The following ASIC4 variants were observed in gnomAD, a reference collection of about 807,000 sequenced individuals.
ASIC4 encodes the protein acid-sensing ion channel 4.
ASIC4 carries 28 observed loss-of-function variants against 53.4 expected under a neutral mutation model. The observed-to-expected ratio is 0.52, with a 90% CI of 0.39 to 0.72. The LOEUF is 0.72. Ranked by LOEUF, ASIC4 falls within the 30% of genes least tolerant of loss-of-function variation. The probability of loss-of-function intolerance (pLI) is 0.00; values close to 1 mark genes in which losing one functional copy is unlikely to be tolerated. For synonymous variants in ASIC4, 289 were observed against 301.4 expected, an observed-to-expected ratio of 0.96 and a Z score of 0.43; for missense variants, 649 against 729.7, an observed-to-expected ratio of 0.89 and a Z score of 1.27.
chr2:219,507,465 C>T, the ASIC4 span, among the ~76,000 whole-genome samples: 3 of 152,178 alleles, frequency 2.0e-5, no homozygotes, highest in Admixed American at 6.5e-5. Context: ...TGCCTCTGCC[C>T]GAGGCCTCAT....
At chr2:219,525,589 T>C (rs1415307534) in intron 1 of ASIC4, among the ~76,000 whole-genome samples, 1 of 152,188 alleles carries the variant, frequency 6.6e-6, no homozygotes, top group Non-Finnish European at 1.5e-5. Flanking sequence ...CTGAGTGACC[T>C]CGAAGTTCTG....
At chr2:219,515,397 C>T in intron 1 of ASIC4, 91 bp downstream of exon 1, 1 of 1,454,612 alleles carries the variant, frequency 6.9e-7, no homozygotes, top group South Asian at 1.3e-5. Context: ...GGGGCATCCT[C>T]AACAGGGCTT....
intron 1 of ASIC4, among the ~76,000 whole-genome samples, chr2:219,524,821 C>A (rs1336598222): frequency 6.6e-6 from 1 of 152,212 alleles, no homozygotes; most frequent in African/African-American, 2.4e-5. Flanking sequence ...GCAGAGAGAG[C>A]CTGCAAGGTG....
chr2:219,507,625 C>A, the ASIC4 span, among the ~76,000 whole-genome samples: 1 of 152,200 alleles, frequency 6.6e-6, no homozygotes, highest in Admixed American at 6.5e-5. Context: ...CAGCCCTCCT[C>A]TCCCAGCCAT....
intron 1 of ASIC4, among the ~76,000 whole-genome samples, chr2:219,527,595 C>T (rs568384129): frequency 6.6e-6 from 1 of 152,258 alleles, no homozygotes; most frequent in East Asian, 1.9e-4. Flanking sequence ...CTATAAGCAC[C>T]TACTGTGCTT....
At chr2:219,535,362 CTGTG>C (rs1433773661) in intron 6 of ASIC4, 38 bp downstream of exon 6, 2 of 1,526,400 alleles carry the variant, frequency 1.3e-6, no homozygotes. Context: ...CTGTGTGACT[CTGTG>C]TGTACGTGTG....
rs369501588 is a variant in ASIC4 at position 219,535,310 on chromosome 2, C to T, written c.1215C>T (p.Asn405=). The part of the protein sequence containing the change: ...ARYLARKYNR[N]ETYIRENFLV... Reference sequence around the variant, plus strand: ...ACCTGGCGAGGAAGTACAACCGCAACGAGACCTACATACGGTATGTGTGTG... The same window carrying T: ...ACCTGGCGAGGAAGTACAACCGCAATGAGACCTACATACGGTATGTGTGTG... The change falls in exon 6 of 10, where the codon AAC becomes AAT. Residue 405 remains asparagine (N), a synonymous_variant. Coordinates refer to ENST00000358078, the MANE Select transcript of ASIC4 (RefSeq NM_018674.6). 32 of 1,610,528 alleles carry T rather than the reference C, an allele frequency of 2.0e-5. No individual in the cohort carries two copies. The highest frequency in any genetic ancestry group is 1.1e-4 in the African/African-American group (8 of 74,228).
At chr2:219,532,999 T>A (rs772707111) in intron 5 of ASIC4, 60 bp downstream of exon 5, 7 of 1,521,010 alleles carry the variant, frequency 4.6e-6, no homozygotes, top group Non-Finnish European at 6.4e-6. Flanking sequence ...CTGTCCACTC[T>A]TCTCCTCACT....
upstream of ASIC4, chr2:219,514,388 GCTCGCTCC>G (rs1330370897): frequency 7.8e-6 from 12 of 1,547,364 alleles, no homozygotes; most frequent in Non-Finnish European, 1.0e-5. Context: ...GCGGAGCAGC[GCTCGCTCC>G]CTCGCTCACT....
intron 3 of ASIC4, 40 bp from the exon 4 acceptor site, chr2:219,532,275 G>A: frequency 6.3e-7 from 1 of 1,599,468 alleles, no homozygotes; most frequent in Non-Finnish European, 8.6e-7. Flanking sequence ...GGACTGGGTG[G>A]GATTCCTGAG....
chr2:219,527,987 G>A lies in ASIC4; in HGVS notation c.583-3771G>A, dbSNP rs1694985011. On this transcript the variant is annotated intron_variant, in intron 1 of 9. Transcript: ENST00000358078. ...GCCTGGCAGTCAGGGCTCCGCCGAGGTGGTGCTGAATGCTGAGGGACATGA... is the reference window on the plus strand; with the variant it reads ...GCCTGGCAGTCAGGGCTCCGCCGAGATGGTGCTGAATGCTGAGGGACATGA... 7.2e-5 allele frequency among the ~76,000 whole-genome samples: 11 copies of A among 152,372 alleles called. No homozygotes were observed. The South Asian group carries it at 2.3e-3, about 32-fold the overall frequency.
chr2:219,536,999 A>C lies in ASIC4; in HGVS notation c.1230-67A>C. The C allele has an allele frequency of 1.4e-6, 2 of 1,391,322 alleles. No homozygotes were observed. Among genetic ancestry groups the C allele is most frequent in the African/African-American group, 1.4e-5 (1 of 70,580 alleles). The allele number at this position is 1,391,322 out of a possible 1,614,324, so 86.2% of individuals were successfully genotyped here. A position where few individuals can be genotyped will look rare whatever the true frequency, so the allele number is the denominator to read the frequency against. ...TCTCTGATCAGGATCTGCTGGATCCAGGATGCCCCTGCCAGCCTTCTCAGG... is the reference window on the plus strand; with the variant it reads ...TCTCTGATCAGGATCTGCTGGATCCCGGATGCCCCTGCCAGCCTTCTCAGG... On this transcript the variant is annotated intron_variant, in intron 6 of 9. Transcript: ENST00000358078. The surrounding 1 kb of genome is among the most constrained non-coding windows in gnomAD (Gnocchi z 4.6).
rs970355124 is a variant in ASIC4, at chr2:219,517,495, T to C, written c.582+2189T>C. On this transcript the variant is annotated intron_variant, in intron 1 of 9. Coordinates refer to ENST00000358078, the MANE Select transcript of ASIC4 (RefSeq NM_018674.6). The surrounding 1 kb of genome is among the most constrained non-coding windows in gnomAD (Gnocchi z 4.2). ...TCTCCAGCCCAGCCTCCTACTCTTCTGCACATACTGCATCCCCCGTCTGCT... is the reference window on the plus strand; with the variant it reads ...TCTCCAGCCCAGCCTCCTACTCTTCCGCACATACTGCATCCCCCGTCTGCT... Among the ~76,000 whole-genome samples the C allele has an allele frequency of 6.6e-6, 1 of 152,196 alleles. No individual in the cohort carries two copies. Among genetic ancestry groups the C allele is most frequent in the African/African-American group, 2.4e-5 (1 of 41,450 alleles).
chr2:219,507,591 CT>C, the ASIC4 span, among the ~76,000 whole-genome samples: 16 of 152,292 alleles, frequency 1.1e-4, no homozygotes, highest in African/African-American at 3.8e-4. Context: ...TCCTGTCCCC[CT>C]GGCCCTGCCC....
chr2:219,533,167 C>T, intron 5 of ASIC4: 1 of 592,126 alleles, frequency 1.7e-6, no homozygotes, highest in Non-Finnish European at 3.0e-6. Context: ...TGCAGAGAAG[C>T]CAGGACTGGG....
rs777685447 is a variant in ASIC4 at position 219,537,386 on chromosome 2, G to A, written c.1401+65G>A. 39 of 1,525,162 alleles carry A rather than the reference G, an allele frequency of 2.6e-5. No individual in the cohort carries two copies. In the East Asian group the frequency reaches 4.9e-4, roughly 19 times the overall value. The allele number at this position is 1,525,162 out of a possible 1,614,324, so 94.5% of individuals were successfully genotyped here. On this transcript the variant is annotated intron_variant, in intron 8 of 9. Transcript: ENST00000358078. The surrounding 1 kb of genome is among the most constrained non-coding windows in gnomAD (Gnocchi z 4.9). ...TGGGCAAAGCAGAAGGGGGCAGTGCGGGGTGCCTGGTGGAGCTGGCCTGGC... is the reference window on the plus strand; with the variant it reads ...TGGGCAAAGCAGAAGGGGGCAGTGCAGGGTGCCTGGTGGAGCTGGCCTGGC...
Position 219,514,681 on chromosome 2 carries a change from G to T in ASIC4, c.-44G>T. The T allele has an allele frequency of 6.2e-7, 1 of 1,613,364 alleles. No homozygotes were observed. Among genetic ancestry groups the T allele is most frequent in the Non-Finnish European group, 8.5e-7 (1 of 1,179,882 alleles). On this transcript the variant is annotated 5_prime_UTR_variant, in exon 1 of 10. Transcript: ENST00000358078. ...GCACCAGGGCTGCTGGCTAGGGAGG[G>T]ACAGGGCAGGGAGGCTCTGGCCAGT...
rs1375990066 is a variant in ASIC4 at position 219,537,979 on chromosome 2, G to C, written c.1553G>C (p.Ser518Thr). ...RGRVEGGGVS[S>T]LLPNHHHPHG... ...CGAGTGGAGGGTGGGGGGGTCAGCA[G>C]TCTGCTCCCCAATCACCACCACCCC... The change falls in exon 10 of 10, where the codon AGT becomes ACT. Residue 518 changes from serine (S) to threonine (T), a missense_variant. By Grantham distance (58) the Ser-to-Thr change is moderately conservative. Coordinates refer to ENST00000358078, the MANE Select transcript of ASIC4 (RefSeq NM_018674.6). The surrounding 1 kb of genome is among the most constrained non-coding windows in gnomAD (Gnocchi z 4.9). 6.2e-7 allele frequency: 1 copy of C among 1,613,008 alleles called. No individual in the cohort carries two copies. Among genetic ancestry groups the C allele is most frequent in the East Asian group, 2.2e-5 (1 of 44,850 alleles).
At chr2:219,529,928 C>T (rs1695014756) in intron 1 of ASIC4, among the ~76,000 whole-genome samples, 1 of 151,968 alleles carries the variant, frequency 6.6e-6, no homozygotes, top group South Asian at 2.1e-4. Flanking sequence ...ACTTCTCAGG[C>T]ATGGGGACTT....
Sources: allele counts gnomAD v4.1 joint callset (sites outside exome capture counted in the v4.1 genomes callset), GRCh38; gene constraint gnomAD v4.1.1; non-coding constraint Gnocchi (gnomAD v3.1); transcripts MANE v1.5; gene names NCBI Gene and HGNC (gene_info 2026-07-23, HGNC 2026-07-21).